Variants in CDHR2 observed in about 807,000 individuals in gnomAD.
The protein encoded by CDHR2 is cadherin related family member 2.
CDHR2 carries 104 observed loss-of-function variants against 138.6 expected under a neutral mutation model. The ratio of observed to expected loss-of-function variants is 0.75; its 90% CI spans 0.64 to 0.88. CDHR2 has a LOEUF of 0.88. Among genes scored for constraint, CDHR2 ranks in the 40% least tolerant of loss-of-function variants. The probability of loss-of-function intolerance (pLI) is 0.00; values close to 1 mark genes in which losing one functional copy is unlikely to be tolerated. For missense variants in CDHR2, 1,624 were observed against 1,727.6 expected, an observed-to-expected ratio of 0.94 and a Z score of 1.06; for synonymous variants, 755 against 742.8, an observed-to-expected ratio of 1.02 and a Z score of -0.27.
chr5:176,581,171 G>A (rs1232115254), intron 16 of CDHR2, among the ~76,000 whole-genome samples, 172 bp from the exon 17 acceptor site: 1 of 152,172 alleles, frequency 6.6e-6, no homozygotes, highest in East Asian at 1.9e-4. Flanking sequence ...CTTGCAAACT[G>A]CTGACCTGAG....
chr5:176,554,536 C>G (rs1014956280), intron 1 of CDHR2, among the ~76,000 whole-genome samples: 1 of 152,222 alleles, frequency 6.6e-6, no homozygotes, highest in Non-Finnish European at 1.5e-5. Context: ...AACTGCCCAG[C>G]GAAGCTCTGC....
Position 176,584,555 on chromosome 5 carries a change from C to T in CDHR2, c.2274C>T (p.Leu758=), listed in dbSNP as rs781391127. Residue 758 remains leucine (L), a synonymous_variant, in exon 19 of 32, where the codon CTC becomes CTT. Coordinates refer to ENST00000261944, the MANE Select transcript of CDHR2 (RefSeq NM_017675.6). ...VLGAGWAEGY[L]RLPPDVSLDY... ...GGGCTGGGTGGGCTGAGGGCTACCT[C>T]CGGCTGCCCCCGGACGTGAGCCTGG... The T allele has an allele frequency of 4.3e-6, 7 of 1,611,876 alleles. No homozygotes were observed. Among genetic ancestry groups the T allele is most frequent in the Non-Finnish European group, 5.9e-6 (7 of 1,178,756 alleles).
chr5:176,558,763 G>T lies in CDHR2; in HGVS notation c.-15-6575G>T, dbSNP rs566145481. ...TCTCGATCTCCTGACCTTGTGATCC[G>T]CCCACCTCGGCCTCCCAAAGTGCTG... On this transcript the variant is annotated intron_variant, in intron 1 of 31. Coordinates refer to ENST00000261944, the MANE Select transcript of CDHR2 (RefSeq NM_017675.6). 2.0e-5 allele frequency among the ~76,000 whole-genome samples: 3 copies of T among 150,266 alleles called. No individual in the cohort carries two copies. In the East Asian group the frequency reaches 5.9e-4, roughly 30 times the overall value.
intron 3 of CDHR2, among the ~76,000 whole-genome samples, chr5:176,568,401 A>G (rs913207939): frequency 2.6e-5 from 4 of 152,218 alleles, no homozygotes; most frequent in Admixed American, 6.5e-5. Context: ...GAAACTCGGT[A>G]TTCTGGAGAG....
chr5:176,586,248 C>T (rs1177860637), intron 20 of CDHR2, among the ~76,000 whole-genome samples: 8 of 152,090 alleles, frequency 5.3e-5, no homozygotes, highest in Admixed American at 1.3e-4. Context: ...CAGGCTGGAG[C>T]GCAATGGTAC....
chr5:176,574,981 A>T, intron 7 of CDHR2, 103 bp from the exon 8 acceptor site: 2 of 1,416,474 alleles, frequency 1.4e-6, no homozygotes, highest in Non-Finnish European at 1.9e-6. Context: ...CAGTGGCGTG[A>T]CTGGTCAGTG....
chr5:176,555,812 A>G (rs1039417320), intron 1 of CDHR2, among the ~76,000 whole-genome samples: 2 of 151,998 alleles, frequency 1.3e-5, no homozygotes, highest in African/African-American at 2.4e-5. Context: ...GAGGCAGCAG[A>G]CTCGGTTGAA....
intron 6 of CDHR2, among the ~76,000 whole-genome samples, chr5:176,573,555 G>A (rs1157321467): frequency 6.6e-6 from 1 of 152,124 alleles, no homozygotes; most frequent in East Asian, 1.9e-4. Flanking sequence ...GCTGAGGCAG[G>A]AGAATCGCTT....
intron 30 of CDHR2, among the ~76,000 whole-genome samples, chr5:176,592,468 T>G (rs1459317915): frequency 1.4e-5 from 2 of 147,384 alleles, no homozygotes; most frequent in South Asian, 2.2e-4. Context: ...GGTGGTGGTG[T>G]TGGTGTTGAG....
intron 17 of CDHR2, among the ~76,000 whole-genome samples, chr5:176,582,314 C>T (rs1333406296): frequency 2.0e-5 from 3 of 152,206 alleles, no homozygotes; most frequent in East Asian, 1.9e-4. Context: ...GCCACCATGC[C>T]TGGCTAATTT....
intron 6 of CDHR2, among the ~76,000 whole-genome samples, chr5:176,572,775 G>C (rs1346484773): frequency 6.6e-6 from 1 of 152,252 alleles, no homozygotes; most frequent in African/African-American, 2.4e-5. Flanking sequence ...GGTCTGGACA[G>C]CCATGTGAGA....
intron 21 of CDHR2, among the ~76,000 whole-genome samples, chr5:176,588,480 A>T (rs542203084): frequency 1.4e-5 from 2 of 138,032 alleles, no homozygotes; most frequent in African/African-American, 2.8e-5. Flanking sequence ...TGTGAGTGTG[A>T]GAGGATAAGT....
rs111991829 is a variant in CDHR2 at position 176,558,741 on chromosome 5, C to G, written c.-15-6597C>G. On this transcript the variant is annotated intron_variant, in intron 1 of 31. Transcript: ENST00000261944. Reference sequence around the variant, plus strand: ...TTCACCGTGTTAGCCAGGATGGTCTCGATCTCCTGACCTTGTGATCCGCCC... The same window carrying G: ...TTCACCGTGTTAGCCAGGATGGTCTGGATCTCCTGACCTTGTGATCCGCCC... Among the ~76,000 whole-genome samples, 941 of 150,830 alleles carry G rather than the reference C, an allele frequency of 6.2e-3. 9 individuals carry two copies. Among genetic ancestry groups the G allele is most frequent in the African/African-American group, 0.022 (892 of 40,970 alleles).
At chr5:176,590,171 G>A (rs1159165502) in intron 25 of CDHR2, 25 bp downstream of exon 25, 5 of 1,611,864 alleles carry the variant, frequency 3.1e-6, no homozygotes, top group Non-Finnish European at 3.4e-6. Flanking sequence ...GCCTGGGGGT[G>A]GGGTTGAGGG....
intron 5 of CDHR2, 83 bp from the exon 6 acceptor site, chr5:176,571,130 A>G: frequency 1.3e-6 from 1 of 786,246 alleles, no homozygotes; most frequent in South Asian, 1.4e-5. Context: ...GATGAAGGAC[A>G]CCAGCTCTTT....
At chr5:176,592,811 G>T (rs746814850) in intron 31 of CDHR2, 31 bp downstream of exon 31, 6 of 1,602,960 alleles carry the variant, frequency 3.7e-6, no homozygotes, top group Non-Finnish European at 5.1e-6. Context: ...GTGCCTGGAG[G>T]TTCCAACTTG....
upstream of CDHR2, among the ~76,000 whole-genome samples, chr5:176,547,910 TAC>T (rs1475608988): frequency 2.6e-5 from 4 of 152,236 alleles, no homozygotes; most frequent in African/African-American, 9.6e-5. Context: ...CTGCCTGATA[TAC>T]AGTCAACACA....
intron 30 of CDHR2, chr5:176,591,745 ATGG>A (rs1758856646): frequency 1.9e-5 from 4 of 212,640 alleles, no homozygotes; most frequent in Non-Finnish European, 3.0e-5. Flanking sequence ...TGTGATGGTG[ATGG>A]TGGTGATGAT....
At chr5:176,556,095 G>A (rs1405993397) in intron 1 of CDHR2, among the ~76,000 whole-genome samples, 10 of 152,174 alleles carry the variant, frequency 6.6e-5, no homozygotes, top group Admixed American at 3.9e-4. Context: ...TTGAACTCCT[G>A]GAATACACCT....
Sources: gnomAD v4.1 joint callset for allele counts (sites outside exome capture counted in the v4.1 genomes callset) on GRCh38, gnomAD v4.1.1 for gene constraint, MANE v1.5 for transcripts, NCBI Gene and HGNC (gene_info 2026-07-23, HGNC 2026-07-21) for gene names.